DPY19L2: variants seen among roughly 807,000 people sequenced by gnomAD.
The protein encoded by DPY19L2 is dpy-19 like 2.
In DPY19L2, 34 loss-of-function variants were observed where a neutral mutation model predicts 97.9. The ratio of observed to expected loss-of-function variants is 0.35; its 90% CI spans 0.26 to 0.46. DPY19L2 has a LOEUF of 0.46. DPY19L2 is among the 20% of genes least tolerant of loss of function. The probability of loss-of-function intolerance (pLI) is 1.00; values close to 1 mark genes in which losing one functional copy is unlikely to be tolerated. For synonymous variants in DPY19L2, 230 were observed against 307.9 expected, an observed-to-expected ratio of 0.75 and a Z score of 2.65; for missense variants, 623 against 911.4, an observed-to-expected ratio of 0.68 and a Z score of 4.07.
intron 6 of DPY19L2, among the ~76,000 whole-genome samples, chr12:63,638,558 C>A (rs1892142455): frequency 6.6e-6 from 1 of 152,080 alleles, no homozygotes; most frequent in African/African-American, 2.4e-5. Context: ...TTCCTATACA[C>A]CACTAATAGA....
At chr12:63,603,904 C>G (rs2137601562) in intron 12 of DPY19L2, among the ~76,000 whole-genome samples, 1 of 152,200 alleles carries the variant, frequency 6.6e-6, no homozygotes, top group East Asian at 1.9e-4. Flanking sequence ...CTGCAATAAC[C>G]AAAACAGCAT....
At chr12:63,631,521 T>G (rs1890641369) in intron 6 of DPY19L2, among the ~76,000 whole-genome samples, 1 of 152,078 alleles carries the variant, frequency 6.6e-6, no homozygotes, top group Admixed American at 6.5e-5. Flanking sequence ...CAGGAAGAAT[T>G]TGAATCTCTG....
At chr12:63,633,670 T>A (rs1891117552) in intron 6 of DPY19L2, among the ~76,000 whole-genome samples, 1 of 152,110 alleles carries the variant, frequency 6.6e-6, no homozygotes, top group Admixed American at 6.5e-5. Flanking sequence ...TCCTCAGGGA[T>A]CTAGAAGTAG....
rs529917108 is a variant in DPY19L2 at position 63,630,197 on chromosome 12, A to T, written c.804-3671T>A. Among the ~76,000 whole-genome samples, 1,142 of 152,272 alleles carry T rather than the reference A, an allele frequency of 7.5e-3. 17 individuals are homozygous for T. The highest frequency in any genetic ancestry group is 0.025 in the African/African-American group (1,036 of 41,538). ...AACCAGCTAACATCATAATGACAGG[A>T]TCAAATTTACACATAACAATATTAA... On this transcript the variant is annotated intron_variant, in intron 6 of 21. Coordinates refer to ENST00000324472, the MANE Select transcript of DPY19L2 (RefSeq NM_173812.5).
chr12:63,641,487 C>T (rs1398708099), intron 6 of DPY19L2, among the ~76,000 whole-genome samples: 1 of 152,002 alleles, frequency 6.6e-6, no homozygotes, highest in East Asian at 1.9e-4. Flanking sequence ...ATCAACATAA[C>T]CATTTCTATA....
At chr12:63,624,271 T>G in intron 7 of DPY19L2, 140 bp from the exon 8 acceptor site, 2 of 656,576 alleles carry the variant, frequency 3.0e-6, no homozygotes, top group Admixed American at 2.7e-5. Flanking sequence ...GCTTCTCAGT[T>G]TTTGAAGCTC....
intron 11 of DPY19L2, among the ~76,000 whole-genome samples, chr12:63,610,948 T>C (rs1245885446): frequency 8.0e-5 from 8 of 99,446 alleles, no homozygotes; most frequent in Non-Finnish European, 1.3e-4. Context: ...AAAGAATAAA[T>C]ACAAATGTCC....
chr12:63,613,493 T>A (rs1430497107), intron 11 of DPY19L2, among the ~76,000 whole-genome samples: 1 of 152,088 alleles, frequency 6.6e-6, no homozygotes, highest in Non-Finnish European at 1.5e-5. Flanking sequence ...AAAAATCCTA[T>A]AGCTAACACA....
At chr12:63,627,225 A>G (rs774176829) in intron 6 of DPY19L2, among the ~76,000 whole-genome samples, 1 of 152,216 alleles carries the variant, frequency 6.6e-6, no homozygotes, top group African/African-American at 2.4e-5. Context: ...TTCATGTAGC[A>G]TTAACTTAGA....
Position 63,668,488 on chromosome 12 carries a change from C to T in DPY19L2, c.-95G>A. ...GACCTGACTCGCCTGGCAGCCTCAACGGACTTGTCCCCGCAGCCGTTGCGG... is the reference window on the plus strand; with the variant it reads ...GACCTGACTCGCCTGGCAGCCTCAATGGACTTGTCCCCGCAGCCGTTGCGG... On this transcript the variant is annotated 5_prime_UTR_variant, in exon 1 of 22. Coordinates refer to ENST00000324472, the MANE Select transcript of DPY19L2 (RefSeq NM_173812.5). 3 of 1,277,242 alleles carry T rather than the reference C, an allele frequency of 2.3e-6. No individual in the cohort carries two copies. The highest frequency in any genetic ancestry group is 3.2e-6 in the Non-Finnish European group (3 of 952,370). 79.1% of individuals were successfully genotyped at this position (1,277,242 alleles called of 1,614,324 possible).
chr12:63,612,198 A>C (rs1887121058), intron 11 of DPY19L2, among the ~76,000 whole-genome samples: 1 of 152,104 alleles, frequency 6.6e-6, no homozygotes, highest in South Asian at 2.1e-4. Context: ...CCTTTCAAAA[A>C]TGAAGGCAAA....
intron 4 of DPY19L2, 119 bp downstream of exon 4, chr12:63,661,225 T>A (rs1413157379): frequency 2.4e-5 from 25 of 1,020,582 alleles, no homozygotes; most frequent in Non-Finnish European, 3.4e-5. Context: ...ACTATAAGGA[T>A]ACACACAATT....
intron 11 of DPY19L2, among the ~76,000 whole-genome samples, chr12:63,609,553 C>T (rs1886614867): frequency 6.6e-6 from 1 of 152,030 alleles, no homozygotes; most frequent in African/African-American, 2.4e-5. Flanking sequence ...TGTCTGCAAA[C>T]CACAAAAAGG....
At position 63,663,799 on chromosome 12, in the gene DPY19L2, G is replaced by A; in HGVS notation, c.409C>T (p.Leu137Phe). The A allele has an allele frequency of 6.2e-7, 1 of 1,606,052 alleles. No individual in the cohort carries two copies. The highest frequency in any genetic ancestry group is 8.5e-7 in the Non-Finnish European group (1 of 1,177,864). Residue 137 changes from leucine to phenylalanine, a missense_variant, in exon 3 of 22, where the codon CTC becomes TTC. Around this residue, in one of 6 missense-constraint regions of DPY19L2, gnomAD observed 84 missense variants for 125.4 expected, o/e 0.67. Coordinates refer to ENST00000324472, the MANE Select transcript of DPY19L2 (RefSeq NM_173812.5). ...LFENDRHFSH[L>F]SSLEREMTFR... is the part of the protein sequence containing the mutation. ...GTCATCTCCCGTTCCAAAGATGAGAGGTGAGAGAAATGACGATCATTTTCA... is the reference window on the plus strand; with the variant it reads ...GTCATCTCCCGTTCCAAAGATGAGAAGTGAGAGAAATGACGATCATTTTCA...
At chr12:63,641,049 C>T (rs1482806686) in intron 6 of DPY19L2, among the ~76,000 whole-genome samples, 3 of 151,896 alleles carry the variant, frequency 2.0e-5, no homozygotes, top group Non-Finnish European at 4.4e-5. Context: ...CCCGCCACCA[C>T]GCCCGGCTAA....
intron 4 of DPY19L2, among the ~76,000 whole-genome samples, chr12:63,652,747 G>A (rs1342123375): frequency 2.0e-5 from 3 of 152,086 alleles, no homozygotes; most frequent in Non-Finnish European, 4.4e-5. Flanking sequence ...ACAAAGAAGG[G>A]AACAACAGAC....
intron 6 of DPY19L2, among the ~76,000 whole-genome samples, chr12:63,629,355 G>T (rs558351928): frequency 6.1e-4 from 93 of 152,182 alleles, no homozygotes; most frequent in African/African-American, 2.2e-3. Flanking sequence ...AATAACCAAT[G>T]CAGAGAAGTC....
intron 6 of DPY19L2, among the ~76,000 whole-genome samples, chr12:63,628,857 C>G (rs1890069924): frequency 6.6e-6 from 1 of 151,108 alleles, no homozygotes; most frequent in Admixed American, 6.6e-5. Flanking sequence ...GGGTACTCCT[C>G]TGAGACAAAA....
rs771301097 is a variant in DPY19L2, at chr12:63,668,361, C to A, written c.33G>T (p.Leu11=). Residue 11 remains leucine (L), a synonymous_variant, in exon 1 of 22, where the codon CTG becomes CTT. Coordinates refer to ENST00000324472, the MANE Select transcript of DPY19L2 (RefSeq NM_173812.5). Reference sequence around the variant, plus strand: ...TAGACTGGCTGCGGCCGGAAGATTGCAGCCGCTTTGAGCTTACTCCTTGTT... The same window carrying A: ...TAGACTGGCTGCGGCCGGAAGATTGAAGCCGCTTTGAGCTTACTCCTTGTT... MRKQGVSSKR[L]QSSGRSQSKG... is the part of the protein sequence containing the mutation. 4 of 1,613,462 alleles carry A rather than the reference C, an allele frequency of 2.5e-6. No homozygotes were observed. The highest frequency in any genetic ancestry group is 3.4e-6 in the Non-Finnish European group (4 of 1,179,868).
Sources: allele counts gnomAD v4.1 joint callset (sites outside exome capture counted in the v4.1 genomes callset), GRCh38; gene constraint gnomAD v4.1.1; regional missense constraint gnomAD v4.1.1; transcripts MANE v1.5; gene names NCBI Gene and HGNC (gene_info 2026-07-23, HGNC 2026-07-21).